Variants in ROBO1 observed in about 807,000 individuals in gnomAD.
ROBO1 encodes roundabout guidance receptor 1, also known as roundabout homolog 1.
In ROBO1, 149 loss-of-function variants were observed where a neutral mutation model predicts 195.9. The observed-to-expected ratio is 0.76, with a 90% CI of 0.67 to 0.87. The LOEUF (loss-of-function observed/expected upper bound fraction) is 0.87, where lower values mean the gene tolerates loss of function less well. ROBO1 is among the 40% of genes least tolerant of loss of function. The pLI is 0.00. For missense variants in ROBO1, 1,933 were observed against 2,068.3 expected (o/e 0.93, Z 1.27); for synonymous variants, 816 against 733.2 (o/e 1.11, Z -1.82).
At chr3:78,995,181 T>C (rs966027385) in intron 3 of ROBO1, among the ~76,000 whole-genome samples, 1 of 152,228 alleles carries the variant, frequency 6.6e-6, no homozygotes, top group African/African-American at 2.4e-5. Flanking sequence ...TATTCTTTTC[T>C]TTCCGTAACT....
chr3:78,696,130 A>G (rs2081284186), intron 8 of ROBO1, among the ~76,000 whole-genome samples: 1 of 151,250 alleles, frequency 6.6e-6, no homozygotes, highest in Admixed American at 6.6e-5. Flanking sequence ...AATCAGAAAA[A>G]AAAAAAAAAA....
At chr3:78,866,920 G>A (rs1380196176) in intron 4 of ROBO1, among the ~76,000 whole-genome samples, 6 of 152,080 alleles carry the variant, frequency 3.9e-5, no homozygotes, top group Admixed American at 6.5e-5. Context: ...ATCAATTTAC[G>A]CAGGAGAGTT....
chr3:78,677,915 T>G (rs1356398601), intron 10 of ROBO1, among the ~76,000 whole-genome samples: 92 of 151,740 alleles, frequency 6.1e-4, no homozygotes, highest in African/African-American at 2.0e-3. Context: ...ATTGACCACG[T>G]AGTTGGAAGT....
chr3:79,237,967 G>A (rs1010175853), intron 2 of ROBO1, among the ~76,000 whole-genome samples: 4 of 152,070 alleles, frequency 2.6e-5, no homozygotes, highest in African/African-American at 7.2e-5. Flanking sequence ...AAAGCAGTGC[G>A]GTCTTCTGTC....
intron 14 of ROBO1, among the ~76,000 whole-genome samples, chr3:78,663,480 C>G (rs1284073455): frequency 3.3e-5 from 5 of 152,120 alleles, no homozygotes; most frequent in Non-Finnish European, 7.4e-5. Flanking sequence ...TCCTTACCCA[C>G]TGGTCTCAAT....
chr3:78,756,095 A>G (rs1309553009), intron 4 of ROBO1, among the ~76,000 whole-genome samples: 1 of 152,170 alleles, frequency 6.6e-6, no homozygotes, highest in Non-Finnish European at 1.5e-5. Context: ...TATATACAAC[A>G]TATGTGGATT....
intron 1 of ROBO1, among the ~76,000 whole-genome samples, chr3:79,722,494 C>T (rs947004432): frequency 3.3e-5 from 5 of 152,150 alleles, no homozygotes; most frequent in African/African-American, 1.2e-4. Flanking sequence ...GTTCCATCGC[C>T]AACTGTTGCT....
At chr3:78,661,373 A>G (rs968765394) in intron 15 of ROBO1, 112 bp from the exon 16 acceptor site, 8 of 556,242 alleles carry the variant, frequency 1.4e-5, no homozygotes, top group Non-Finnish European at 2.0e-5. Context: ...GCTTCATCCC[A>G]CATTCTTACA....
In ROBO1 at chr3:78,923,060, CA is replaced by C. The variant is rs201029316; in HGVS notation, c.499+15540del. On this transcript the variant is annotated intron_variant, in intron 4 of 30. Coordinates refer to ENST00000464233, the MANE Select transcript of ROBO1 (RefSeq NM_002941.4). ...TGCAAATTATTTTCCAATAGTTATC[CA>C]ATTATGCAATTATTAAGCAAGATAA... 9.0e-4 allele frequency among the ~76,000 whole-genome samples: 137 copies of C among 152,056 alleles called. 2 individuals are homozygous for C. The East Asian group carries it at 0.024, about 27-fold the overall frequency.
chr3:78,677,075 A>T (rs547923356), intron 10 of ROBO1, among the ~76,000 whole-genome samples: 7 of 152,116 alleles, frequency 4.6e-5, no homozygotes, highest in Non-Finnish European at 8.8e-5. Flanking sequence ...CAGCCAAACT[A>T]AGCTTCATAA....
chr3:79,277,015 G>T (rs1017930128), intron 2 of ROBO1, among the ~76,000 whole-genome samples: 1 of 152,066 alleles, frequency 6.6e-6, no homozygotes, highest in Non-Finnish European at 1.5e-5. Flanking sequence ...GTACACCATT[G>T]GTGAGAAAGT....
chr3:78,809,590 C>T (rs562933522), intron 4 of ROBO1, among the ~76,000 whole-genome samples: 1 of 152,284 alleles, frequency 6.6e-6, no homozygotes, highest in African/African-American at 2.4e-5. Context: ...GGAACCAACA[C>T]AAATGCCCAT....
At chr3:79,619,417 C>A (rs1387371255) in intron 1 of ROBO1, among the ~76,000 whole-genome samples, 1 of 152,126 alleles carries the variant, frequency 6.6e-6, no homozygotes, top group Non-Finnish European at 1.5e-5. Flanking sequence ...GTAAATGTCT[C>A]ATTTTCTTCT....
At chr3:79,447,389 C>T (rs1207200840) in intron 2 of ROBO1, among the ~76,000 whole-genome samples, 1 of 152,046 alleles carries the variant, frequency 6.6e-6, no homozygotes, top group African/African-American at 2.4e-5. Context: ...TTTTACAAAA[C>T]AAATGTCCGA....
intron 5 of ROBO1, among the ~76,000 whole-genome samples, chr3:78,727,372 A>ATC (rs1421646643): frequency 6.6e-6 from 1 of 152,188 alleles, no homozygotes; most frequent in Non-Finnish European, 1.5e-5. Context: ...CATGCCTGTA[A>ATC]TCCCAGCACT....
chr3:78,673,321 G>T (rs958165497), intron 10 of ROBO1, among the ~76,000 whole-genome samples: 2 of 150,484 alleles, frequency 1.3e-5, no homozygotes, highest in African/African-American at 4.9e-5. Flanking sequence ...GCTCATTATT[G>T]TCAGTATAAA....
At chr3:79,181,618 AG>A (rs2081340959) in intron 2 of ROBO1, among the ~76,000 whole-genome samples, 1 of 152,204 alleles carries the variant, frequency 6.6e-6, no homozygotes, top group African/African-American at 2.4e-5. Flanking sequence ...ATTTTTAGTG[AG>A]GAATATGATA....
In ROBO1 at chr3:78,997,405, G is replaced by C. The variant is rs911975053; in HGVS notation, c.173-58478C>G. Among the ~76,000 whole-genome samples, 5 of 152,248 alleles carry C rather than the reference G, an allele frequency of 3.3e-5. No homozygotes were observed. The East Asian group carries it at 7.7e-4, about 24-fold the overall frequency. On this transcript the variant is annotated intron_variant, in intron 3 of 30. Transcript: ENST00000464233. ...ATGATTTTGGTATTCACCGAGTAGA[G>C]TGGTGATCCATTCTAAGCATTCGAG...
chr3:78,893,308 A>G (rs2037017460), intron 4 of ROBO1, among the ~76,000 whole-genome samples: 1 of 152,274 alleles, frequency 6.6e-6, no homozygotes, highest in East Asian at 1.9e-4. Flanking sequence ...GACTTCACAC[A>G]ATATTCCATT....
Sources: gnomAD v4.1 joint callset for allele counts (sites outside exome capture counted in the v4.1 genomes callset) on GRCh38, gnomAD v4.1.1 for gene constraint, MANE v1.5 for transcripts, NCBI Gene and HGNC (gene_info 2026-07-23, HGNC 2026-07-21) for gene names.